Variants in ARHGAP24 observed in about 807,000 individuals in gnomAD.
The protein encoded by ARHGAP24 is Rho GTPase activating protein 24.
Under a neutral mutation model 76.4 loss-of-function variants are expected in ARHGAP24, and 50 were observed. That is an observed-to-expected ratio of 0.65 (90% CI 0.52 to 0.83). ARHGAP24 has a LOEUF of 0.83. Among genes scored for constraint, ARHGAP24 ranks in the 40% least tolerant of loss-of-function variants. The pLI, the probability that ARHGAP24 is intolerant of heterozygous loss-of-function variation, is 0.00. For missense variants in ARHGAP24, 930 were observed against 914.2 expected, an observed-to-expected ratio of 1.02 and a Z score of -0.22; for synonymous variants, 345 against 323.3, an observed-to-expected ratio of 1.07 and a Z score of -0.72.
At chr4:85,777,024 G>A (rs1462561796) in intron 3 of ARHGAP24, among the ~76,000 whole-genome samples, 1 of 152,134 alleles carries the variant, frequency 6.6e-6, no homozygotes, top group East Asian at 1.9e-4. Flanking sequence ...GGCTCAAACA[G>A]ACATAATCAA....
intron 3 of ARHGAP24, among the ~76,000 whole-genome samples, chr4:85,784,174 C>T (rs919102608): frequency 2.6e-5 from 4 of 152,152 alleles, no homozygotes; most frequent in Non-Finnish European, 4.4e-5. Flanking sequence ...TCTCTGTCTT[C>T]ACCTTCTGTT....
intron 5 of ARHGAP24, among the ~76,000 whole-genome samples, chr4:85,960,928 T>G (rs144499555): frequency 0.017 from 2,563 of 152,188 alleles, 31 homozygotes; most frequent in South Asian, 0.051. Flanking sequence ...TGCACTATAC[T>G]TCCAAAGTAA....
intron 3 of ARHGAP24, among the ~76,000 whole-genome samples, chr4:85,805,412 TAC>T (rs1463898239): frequency 1.3e-5 from 2 of 152,180 alleles, no homozygotes; most frequent in East Asian, 1.9e-4. Context: ...CGACATCTGT[TAC>T]AGAGTCATTT....
chr4:85,564,937 T>C lies in ARHGAP24; in HGVS notation c.-20-5585T>C, dbSNP rs1327885864. ...AGAACACACACGGTATATATATATA[T>C]ATATATATATATATATATATATATA... On this transcript the variant is annotated intron_variant, in intron 1 of 9. Coordinates refer to ENST00000395184, the MANE Select transcript of ARHGAP24 (RefSeq NM_001025616.3). 2.4e-4 allele frequency among the ~76,000 whole-genome samples: 23 copies of C among 95,024 alleles called. 3 individuals carry two copies. Among genetic ancestry groups the C allele is most frequent in the African/African-American group, 1.3e-3 (23 of 17,790 alleles). 62.3% of individuals were successfully genotyped at this position (95,024 alleles called of 152,430 possible).
At chr4:85,912,211 T>A (rs911096552) in intron 3 of ARHGAP24, among the ~76,000 whole-genome samples, 4 of 152,200 alleles carry the variant, frequency 2.6e-5, no homozygotes, top group African/African-American at 9.6e-5. Context: ...AATACCAATA[T>A]TTTTCTCCAT....
chr4:85,506,446 C>G (rs1413149282), intron 1 of ARHGAP24, among the ~76,000 whole-genome samples: 1 of 152,206 alleles, frequency 6.6e-6, no homozygotes, highest in Non-Finnish European at 1.5e-5. Flanking sequence ...CAAGCCTCAG[C>G]AATGGCGGAC....
chr4:85,648,525 A>G (rs886464163), intron 2 of ARHGAP24, among the ~76,000 whole-genome samples: 1 of 152,074 alleles, frequency 6.6e-6, no homozygotes, highest in Non-Finnish European at 1.5e-5. Flanking sequence ...TTGGAAACAG[A>G]TACATGAGCT....
chr4:85,670,244 G>A (rs1469970317), intron 2 of ARHGAP24, among the ~76,000 whole-genome samples: 1 of 152,118 alleles, frequency 6.6e-6, no homozygotes, highest in Non-Finnish European at 1.5e-5. Flanking sequence ...AATTCTCTTA[G>A]GTTGCCTACT....
rs1553921590 is a variant in ARHGAP24 at position 85,669,666 on chromosome 4, T to TATATATGTG, written c.181-52213_181-52212insGTGATATAT. ...TCAAATATATATATATATATATATA[T>TATATATGTG]ATATATATATATATATATATATATA... On this transcript the variant is annotated intron_variant, in intron 2 of 9. Transcript: ENST00000395184. 9.4e-4 allele frequency among the ~76,000 whole-genome samples: 60 copies of TATATATGTG among 63,498 alleles called. 1 individual carries two copies. Among genetic ancestry groups the TATATATGTG allele is most frequent in the Non-Finnish European group, 1.7e-3 (53 of 30,646 alleles). 41.7% of individuals were successfully genotyped at this position (63,498 alleles called of 152,430 possible).
At chr4:85,627,105 A>T (rs1157036042) in intron 2 of ARHGAP24, among the ~76,000 whole-genome samples, 1 of 151,966 alleles carries the variant, frequency 6.6e-6, no homozygotes. Context: ...GCTTTGTTCT[A>T]TTGCTGGTGA....
intron 3 of ARHGAP24, among the ~76,000 whole-genome samples, chr4:85,829,763 C>T (rs1056163789): frequency 1.3e-5 from 2 of 152,206 alleles, no homozygotes; most frequent in African/African-American, 4.8e-5. Flanking sequence ...GTATTCATCC[C>T]TCTGTGAGGA....
chr4:85,916,196 T>A (rs1305044663), intron 3 of ARHGAP24, among the ~76,000 whole-genome samples: 2 of 152,212 alleles, frequency 1.3e-5, no homozygotes, highest in Admixed American at 6.5e-5. Context: ...TTCATGTTTG[T>A]TGGCCGCATA....
At chr4:85,792,911 G>A (rs1330467214) in intron 3 of ARHGAP24, among the ~76,000 whole-genome samples, 5 of 152,140 alleles carry the variant, frequency 3.3e-5, no homozygotes, top group African/African-American at 7.2e-5. Flanking sequence ...GCTCAAAAAT[G>A]TCACTGTATG....
At chr4:85,685,057 T>TAA (rs1042971254) in intron 2 of ARHGAP24, among the ~76,000 whole-genome samples, 1 of 152,242 alleles carries the variant, frequency 6.6e-6, no homozygotes, top group African/African-American at 2.4e-5. Context: ...TTAGATTCAG[T>TAA]AAGTCTTGCC....
intron 3 of ARHGAP24, among the ~76,000 whole-genome samples, chr4:85,767,175 C>A (rs1726959646): frequency 2.0e-5 from 3 of 152,102 alleles, no homozygotes; most frequent in Admixed American, 2.0e-4. Context: ...TATAATGCAT[C>A]CCCATTGTTA....
intron 3 of ARHGAP24, among the ~76,000 whole-genome samples, chr4:85,789,164 T>C (rs1727998933): frequency 6.6e-6 from 1 of 150,566 alleles, no homozygotes; most frequent in Non-Finnish European, 1.5e-5. Context: ...GAAGTCTGAG[T>C]TAATTACCCT....
chr4:85,636,655 C>G (rs566089994), intron 2 of ARHGAP24, among the ~76,000 whole-genome samples: 18 of 152,058 alleles, frequency 1.2e-4, no homozygotes, highest in African/African-American at 4.1e-4. Context: ...TATCCTCACC[C>G]TCTGAAAATG....
chr4:85,972,781 T>C (rs1363554951), intron 6 of ARHGAP24, among the ~76,000 whole-genome samples: 2 of 152,196 alleles, frequency 1.3e-5, no homozygotes, highest in Non-Finnish European at 2.9e-5. Context: ...CTAATCTATT[T>C]TCTGCCCCTA....
intron 1 of ARHGAP24, among the ~76,000 whole-genome samples, chr4:85,541,802 T>C (rs1255812189): frequency 6.6e-6 from 1 of 152,048 alleles, no homozygotes; most frequent in Non-Finnish European, 1.5e-5. Flanking sequence ...GAGTGATTAA[T>C]TATGCAGAAG....
Sources: allele counts gnomAD v4.1 joint callset (sites outside exome capture counted in the v4.1 genomes callset), GRCh38; gene constraint gnomAD v4.1.1; transcripts MANE v1.5; gene names NCBI Gene and HGNC (gene_info 2026-07-23, HGNC 2026-07-21).